Variants in PTPN3 observed in about 807,000 individuals in gnomAD.
PTPN3 encodes protein tyrosine phosphatase non-receptor type 3.
Under a neutral mutation model 132.7 loss-of-function variants are expected in PTPN3, and 96 were observed. The observed-to-expected ratio is 0.72, with a 90% CI of 0.61 to 0.86. PTPN3 has a LOEUF of 0.86. PTPN3 is among the 40% of genes least tolerant of loss of function. The pLI is 0.00. For missense variants in PTPN3, 1,125 were observed against 1,159.6 expected (o/e 0.97, Z 0.43); for synonymous variants, 398 against 429.0 (o/e 0.93, Z 0.89).
At chr9:109,448,395 C>T (rs906344858) in intron 6 of PTPN3, among the ~76,000 whole-genome samples, 2 of 152,154 alleles carry the variant, frequency 1.3e-5, no homozygotes, top group Non-Finnish European at 2.9e-5. Context: ...ACAAGAAGCA[C>T]TGAATCACAG....
the PTPN3 span, among the ~76,000 whole-genome samples, chr9:109,538,229 AC>A: frequency 6.6e-6 from 1 of 152,246 alleles, no homozygotes; most frequent in South Asian, 2.1e-4. Flanking sequence ...AAAGGAACTT[AC>A]AGTTTTCCGG....
intron 7 of PTPN3, among the ~76,000 whole-genome samples, chr9:109,438,622 C>CCA (rs1844228233): frequency 6.6e-6 from 1 of 152,190 alleles, no homozygotes; most frequent in Non-Finnish European, 1.5e-5. Flanking sequence ...AATCCATATG[C>CCA]CACACACGGT....
intron 14 of PTPN3, among the ~76,000 whole-genome samples, chr9:109,413,912 T>C (rs1842274029): frequency 6.6e-6 from 1 of 151,900 alleles, no homozygotes; most frequent in Admixed American, 6.5e-5. Context: ...CCTAGAAAAT[T>C]AAAGACCTCC....
intron 17 of PTPN3, among the ~76,000 whole-genome samples, chr9:109,407,455 A>G (rs1446932149): frequency 6.6e-6 from 1 of 152,248 alleles, no homozygotes; most frequent in Non-Finnish European, 1.5e-5. Context: ...TACTATATGT[A>G]TAACAAGACA....
intron 19 of PTPN3, among the ~76,000 whole-genome samples, chr9:109,395,477 G>A (rs1588315547): frequency 6.6e-6 from 1 of 152,050 alleles, no homozygotes; most frequent in African/African-American, 2.4e-5. Flanking sequence ...TAAACATTTA[G>A]TTTCCTAAGT....
At chr9:109,478,856 T>C (rs77824033) in intron 1 of PTPN3, among the ~76,000 whole-genome samples, 5,320 of 152,264 alleles carry the variant, frequency 0.035, 195 homozygotes, top group East Asian at 0.22. Context: ...GCTTCGCCCA[T>C]GAGGTTACCA....
At chr9:109,473,041 A>T (rs1846456229) in intron 1 of PTPN3, among the ~76,000 whole-genome samples, 1 of 152,258 alleles carries the variant, frequency 6.6e-6, no homozygotes, top group African/African-American at 2.4e-5. Flanking sequence ...TTGGGTATTT[A>T]TGAATGTGTT....
chr9:109,383,357 C>T lies in PTPN3; in HGVS notation c.2382+66G>A. ...AGTGCACACCTAGAAGCGTGACCACCTGGGATGACAGTGGCCGCTGATTCA... is the reference window on the plus strand; with the variant it reads ...AGTGCACACCTAGAAGCGTGACCACTTGGGATGACAGTGGCCGCTGATTCA... On this transcript the variant is annotated intron_variant, in intron 23 of 25. Coordinates refer to ENST00000374541, the MANE Select transcript of PTPN3 (RefSeq NM_002829.4). The T allele has an allele frequency of 3.1e-6, 5 of 1,612,966 alleles. No individual in the cohort carries two copies. In the South Asian group the frequency reaches 4.4e-5, roughly 14 times the overall value.
At chr9:109,509,853 A>C in the PTPN3 span, among the ~76,000 whole-genome samples, 1 of 146,148 alleles carries the variant, frequency 6.8e-6, no homozygotes, top group East Asian at 2.0e-4. Context: ...TATGGAAAGG[A>C]AAAAAAAAAA....
chr9:109,509,746 C>G, the PTPN3 span, among the ~76,000 whole-genome samples: 32 of 152,252 alleles, frequency 2.1e-4, no homozygotes, highest in Non-Finnish European at 4.3e-4. Context: ...GAATAATTTC[C>G]CAACAGTGTT....
chr9:109,453,908 G>A (rs1026626236), intron 5 of PTPN3, among the ~76,000 whole-genome samples: 1 of 151,940 alleles, frequency 6.6e-6, no homozygotes, highest in Non-Finnish European at 1.5e-5. Context: ...CTAGCTACTC[G>A]GGAGGCTGAG....
At chr9:109,405,789 T>C (rs935866036) in intron 18 of PTPN3, among the ~76,000 whole-genome samples, 7 of 152,228 alleles carry the variant, frequency 4.6e-5, no homozygotes, top group African/African-American at 1.7e-4. Context: ...TTTTACCATG[T>C]TGGTCAAGCT....
intron 19 of PTPN3, 131 bp from the exon 20 acceptor site, chr9:109,391,692 A>T (rs1840116465): frequency 1.5e-6 from 1 of 648,048 alleles, no homozygotes; most frequent in African/African-American, 1.9e-5. Flanking sequence ...ACTAAAAGAA[A>T]ATCTTCCCAA....
At chr9:109,509,960 C>T in the PTPN3 span, among the ~76,000 whole-genome samples, 7 of 152,266 alleles carry the variant, frequency 4.6e-5, no homozygotes, top group Admixed American at 6.5e-5. Context: ...TAACCCAGCC[C>T]GGCTCTCTTT....
chr9:109,467,114 A>G (rs528615910), intron 1 of PTPN3, among the ~76,000 whole-genome samples: 1 of 152,300 alleles, frequency 6.6e-6, no homozygotes, highest in African/African-American at 2.4e-5. Flanking sequence ...GCCCTTTCCA[A>G]TGAAAATGTC....
chr9:109,477,470 A>G (rs1244047869), intron 1 of PTPN3, among the ~76,000 whole-genome samples: 1 of 152,236 alleles, frequency 6.6e-6, no homozygotes, highest in East Asian at 1.9e-4. Context: ...CAGTACATCC[A>G]AGGTACCCTG....
At chr9:109,487,581 G>A (rs1847271759) in intron 1 of PTPN3, among the ~76,000 whole-genome samples, 1 of 152,198 alleles carries the variant, frequency 6.6e-6, no homozygotes, top group African/African-American at 2.4e-5. Context: ...TGATTCTGAT[G>A]TGCTATAGTT....
intron 18 of PTPN3, among the ~76,000 whole-genome samples, chr9:109,405,112 G>A (rs748941188): frequency 2.0e-5 from 3 of 152,152 alleles, no homozygotes; most frequent in African/African-American, 4.8e-5. Context: ...AGGCTCCCAC[G>A]TAAATATCGT....
intron 5 of PTPN3, among the ~76,000 whole-genome samples, chr9:109,454,151 GC>G (rs58806605): frequency 0.27 from 41,472 of 152,054 alleles, 6,060 homozygotes; most frequent in South Asian, 0.4. Flanking sequence ...TCTACATCCT[GC>G]CTACATTGGT....
Sources: gnomAD v4.1 joint callset for allele counts (sites outside exome capture counted in the v4.1 genomes callset) on GRCh38, gnomAD v4.1.1 for gene constraint, MANE v1.5 for transcripts, NCBI Gene and HGNC (gene_info 2026-07-23, HGNC 2026-07-21) for gene names.